Variants in SMC5 observed in about 807,000 individuals in gnomAD.
SMC5 encodes structural maintenance of chromosomes protein 5.
Under a neutral mutation model 148.3 loss-of-function variants are expected in SMC5, and 88 were observed. The observed-to-expected ratio is 0.59, with a 90% CI of 0.50 to 0.71. The LOEUF is 0.71. Ranked by LOEUF, SMC5 falls within the 30% of genes least tolerant of loss-of-function variation. The pLI, the probability that SMC5 is intolerant of heterozygous loss-of-function variation, is 0.00. For missense variants in SMC5, 1,142 were observed against 1,298.9 expected (o/e 0.88, Z 1.86); for synonymous variants, 421 against 432.8 (o/e 0.97, Z 0.34).
At position 70,259,188 on chromosome 9, in the gene SMC5, C is replaced by A; in HGVS notation, c.110C>A (p.Pro37Gln). The A allele has an allele frequency of 6.2e-7, 1 of 1,608,774 alleles. No homozygotes were observed. The change falls in exon 1 of 25, where the codon CCG becomes CAG. Residue 37 changes from proline to glutamine, a missense_variant. Around this residue, in one of 5 missense-constraint regions of SMC5, gnomAD observed 297 missense variants for 302.6 expected, o/e 0.98. Coordinates refer to ENST00000361138, the MANE Select transcript of SMC5 (RefSeq NM_015110.4). ...EVPSKRKNSA[P>Q]QLPLLQSSGP... ...CCGAGCAAGAGGAAGAATTCGGCCC[C>A]GCAGCTGCCGCTGTTGCAGTCGTCC...
chr9:70,279,838 AG>A (rs1359514142), intron 5 of SMC5, among the ~76,000 whole-genome samples: 6 of 150,538 alleles, frequency 4.0e-5, no homozygotes, highest in African/African-American at 7.3e-5. Flanking sequence ...AAAAAAAAAA[AG>A]GAAATCTGTT....
intron 13 of SMC5, among the ~76,000 whole-genome samples, chr9:70,318,001 T>C (rs1219708364): frequency 6.6e-6 from 1 of 152,174 alleles, no homozygotes; most frequent in African/African-American, 2.4e-5. Flanking sequence ...GCTCCAAAAC[T>C]ACTTGGGAGA....
At chr9:70,285,536 G>T (rs1045629286) in intron 7 of SMC5, among the ~76,000 whole-genome samples, 1 of 152,164 alleles carries the variant, frequency 6.6e-6, no homozygotes, top group Non-Finnish European at 1.5e-5. Context: ...CACGCACAGT[G>T]AGCCACTCTT....
intron 8 of SMC5, among the ~76,000 whole-genome samples, chr9:70,290,386 T>C (rs796320591): frequency 3.9e-5 from 6 of 152,308 alleles, no homozygotes; most frequent in African/African-American, 1.4e-4. Flanking sequence ...AGGGGCTTGT[T>C]ATGAATAATA....
At chr9:70,274,872 CT>C (rs2034546487) in intron 3 of SMC5, among the ~76,000 whole-genome samples, 1 of 151,954 alleles carries the variant, frequency 6.6e-6, no homozygotes, top group Non-Finnish European at 1.5e-5. Context: ...AACTTACATG[CT>C]TTTAAAGTTC....
At chr9:70,329,267 G>A (rs1004906703) in intron 17 of SMC5, among the ~76,000 whole-genome samples, 2 of 152,178 alleles carry the variant, frequency 1.3e-5, no homozygotes, top group Admixed American at 1.3e-4. Flanking sequence ...GCATGGTTGG[G>A]CTGCAAGTTT....
rs773670036 is a variant in SMC5, at chr9:70,348,018, G to A, written c.2869G>A (p.Asp957Asn). ...TTCCATGCAGTGTGCTGGTGAAGTT[G>A]ATCTCCATACAGAAAATGAGGTAAA... ...FSSMQCAGEV[D>N]LHTENEEDYD... The change falls in exon 22 of 25, where the codon GAT (aspartate) becomes AAT (asparagine). Residue 957 changes from aspartate (D) to asparagine (N), a missense_variant. Physicochemically the swap from Asp to Asn is conservative, Grantham distance 23. Around this residue, in one of 5 missense-constraint regions of SMC5, gnomAD observed 743 missense variants for 835.7 expected, o/e 0.89. Transcript: ENST00000361138. 6.3e-7 allele frequency: 1 copy of A among 1,586,854 alleles called. No homozygotes were observed. Among genetic ancestry groups the A allele is most frequent in the South Asian group, 1.2e-5 (1 of 84,400 alleles).
intron 17 of SMC5, among the ~76,000 whole-genome samples, chr9:70,326,287 T>A (rs547526243): frequency 3.3e-5 from 5 of 152,284 alleles, no homozygotes; most frequent in Middle Eastern, 3.4e-3. Flanking sequence ...GATGTTTACA[T>A]AGCTCTGTAA....
intron 2 of SMC5, 60 bp from the exon 3 acceptor site, chr9:70,267,863 C>T: frequency 7.0e-7 from 1 of 1,430,068 alleles, no homozygotes; most frequent in Non-Finnish European, 9.7e-7. Context: ...ACTGCTAAAT[C>T]TCTGATTGTT....
At chr9:70,270,206 C>T (rs1010440472) in intron 3 of SMC5, among the ~76,000 whole-genome samples, 26 of 152,116 alleles carry the variant, frequency 1.7e-4, no homozygotes, top group African/African-American at 6.0e-4. Flanking sequence ...CAGTTATTTG[C>T]TAGGATGGGA....
chr9:70,347,195 A>AACC (rs769298035), intron 20 of SMC5, 34 bp downstream of exon 20: 12 of 1,558,438 alleles, frequency 7.7e-6, no homozygotes, highest in South Asian at 5.6e-5. Flanking sequence ...TTCTGCATCC[A>AACC]ACCACCACCA....
At chr9:70,281,791 TTCAC>T (rs1276128010) in intron 6 of SMC5, among the ~76,000 whole-genome samples, 17 of 152,162 alleles carry the variant, frequency 1.1e-4, no homozygotes, top group African/African-American at 3.9e-4. Context: ...TTATTACTGC[TTCAC>T]TCACTTTGTC....
In SMC5 at chr9:70,288,088, T is replaced by C. The variant is rs73647454; in HGVS notation, c.1053+1817T>C. On this transcript the variant is annotated intron_variant, in intron 8 of 24. Transcript: ENST00000361138. ...GCAGAAAAAGACATAAAACTCATCC[T>C]GTATCCCCAGACGCAAATACAAAGT... Among the ~76,000 whole-genome samples the C allele has an allele frequency of 2.9e-3, 449 of 152,320 alleles. 1 individual carries two copies. The highest frequency in any genetic ancestry group is 0.01 in the African/African-American group (430 of 41,576).
At chr9:70,314,464 A>T (rs530259398) in intron 11 of SMC5, among the ~76,000 whole-genome samples, 2 of 152,238 alleles carry the variant, frequency 1.3e-5, no homozygotes, top group South Asian at 4.1e-4. Context: ...TGTAAGCATA[A>T]CTATCTCCCT....
At chr9:70,320,422 G>GA (rs974142568) in intron 15 of SMC5, among the ~76,000 whole-genome samples, 32 of 152,200 alleles carry the variant, frequency 2.1e-4, no homozygotes, top group African/African-American at 6.7e-4. Context: ...AGGGAAGAAA[G>GA]AAAAATATTC....
At chr9:70,265,680 A>G (rs1470853779) in intron 2 of SMC5, among the ~76,000 whole-genome samples, 2 of 152,252 alleles carry the variant, frequency 1.3e-5, no homozygotes, top group Non-Finnish European at 2.9e-5. Flanking sequence ...GAAAAAAAAT[A>G]CATGCCAGGC....
chr9:70,337,206 T>G (rs118120614), intron 17 of SMC5, among the ~76,000 whole-genome samples: 4,337 of 152,232 alleles, frequency 0.028, 91 homozygotes, highest in Non-Finnish European at 0.046. Flanking sequence ...GTGCCTGAAG[T>G]TTTACTTTTA....
chr9:70,338,355 G>T (rs183636450), intron 17 of SMC5, among the ~76,000 whole-genome samples: 1 of 152,222 alleles, frequency 6.6e-6, no homozygotes, highest in African/African-American at 2.4e-5. Context: ...AGCACATTTT[G>T]ATTCTCTTTT....
chr9:70,282,042 T>G (rs948014757), intron 6 of SMC5, among the ~76,000 whole-genome samples: 7 of 143,328 alleles, frequency 4.9e-5, no homozygotes, highest in African/African-American at 1.8e-4. Flanking sequence ...TCATTTTGTT[T>G]TTTTTTTTTA....
Sources: gnomAD v4.1 joint callset for allele counts (sites outside exome capture counted in the v4.1 genomes callset) on GRCh38, gnomAD v4.1.1 for gene constraint, gnomAD v4.1.1 regional missense constraint, MANE v1.5 for transcripts, NCBI Gene and HGNC (gene_info 2026-07-23, HGNC 2026-07-21) for gene names.